Variants in SAMD4A observed in about 807,000 individuals in gnomAD.
The protein encoded by SAMD4A is sterile alpha motif domain containing 4A, also known as protein Smaug homolog 1.
In SAMD4A, 33 loss-of-function variants were observed where a neutral mutation model predicts 81.3. That is an observed-to-expected ratio of 0.41 (90% confidence interval 0.31 to 0.54). The LOEUF (loss-of-function observed/expected upper bound fraction) is 0.54, where lower values mean the gene tolerates loss of function less well. Ranked by LOEUF, SAMD4A falls within the 20% of genes least tolerant of loss-of-function variation. SAMD4A has a pLI of 0.37. For missense variants in SAMD4A, 854 were observed against 951.1 expected, an observed-to-expected ratio of 0.90 and a Z score of 1.34; for synonymous variants, 389 against 382.1, an observed-to-expected ratio of 1.02 and a Z score of -0.21.
chr14:54,668,002 C>T (rs1566574805), intron 2 of SAMD4A, among the ~76,000 whole-genome samples: 2 of 152,190 alleles, frequency 1.3e-5, no homozygotes, highest in African/African-American at 2.4e-5. Flanking sequence ...TCCACCCCGG[C>T]CCTCCCGCAG....
rs145929317 is a variant in SAMD4A at position 54,737,335 on chromosome 14, T to C, written c.979+48T>C. ...ACTGGGGAAAGAGCCCCTCCCTTTA[T>C]TGGAGACCAGAGGGTAAAAAAAGAG... On this transcript the variant is annotated intron_variant, in intron 4 of 12. Transcript: ENST00000554335. 1.2e-3 allele frequency: 1,926 copies of C among 1,603,818 alleles called. 15 individuals carry two copies. In the African/African-American group the frequency reaches 0.021, roughly 17 times the overall value.
At chr14:54,583,013 G>A (rs1340109955) in intron 2 of SAMD4A, among the ~76,000 whole-genome samples, 2 of 151,940 alleles carry the variant, frequency 1.3e-5, no homozygotes, top group Admixed American at 6.6e-5. Flanking sequence ...GCGCAATCTC[G>A]GCCCACTGCA....
At position 54,790,830 on chromosome 14, in the gene SAMD4A, T is replaced by C. The variant is rs1460206083; in HGVS notation, c.*1886T>C. On this transcript the variant is annotated 3_prime_UTR_variant, in exon 13 of 13. Coordinates refer to ENST00000554335, the MANE Select transcript of SAMD4A (RefSeq NM_015589.6). ...TGAAATCCGAACAATTTTCTTTTAC[T>C]TTCAAGATCAAAAACATGCACCCAA... 1 of 152,114 alleles carries C rather than the reference T, an allele frequency of 6.6e-6. No homozygotes were observed. The highest frequency in any genetic ancestry group is 1.5e-5 in the Non-Finnish European group (1 of 68,026). The allele number at this position is 152,114 out of a possible 1,614,324, so 9.4% of individuals were successfully genotyped here.
chr14:54,675,894 G>C (rs1477605534), intron 2 of SAMD4A, among the ~76,000 whole-genome samples: 1 of 152,192 alleles, frequency 6.6e-6, no homozygotes, highest in Admixed American at 6.5e-5. Flanking sequence ...GTGAGGTTTG[G>C]AAAACTCAGT....
intron 3 of SAMD4A, among the ~76,000 whole-genome samples, chr14:54,709,103 C>T (rs1278744444): frequency 1.3e-5 from 2 of 152,010 alleles, no homozygotes; most frequent in South Asian, 2.1e-4. Context: ...GTGGTGAAAC[C>T]ACATCTCTAT....
intron 8 of SAMD4A, among the ~76,000 whole-genome samples, chr14:54,769,794 A>G (rs866533448): frequency 3.3e-4 from 50 of 152,244 alleles, no homozygotes; most frequent in Admixed American, 1.7e-3. Context: ...TTCTTGGTTA[A>G]TAAATAGAGT....
intron 2 of SAMD4A, among the ~76,000 whole-genome samples, chr14:54,575,912 G>A (rs1386399907): frequency 6.6e-6 from 1 of 150,454 alleles, no homozygotes; most frequent in East Asian, 2.0e-4. Context: ...ATTTCCCCGA[G>A]CTTTTTGAAT....
chr14:54,771,736 C>G (rs1276755655), intron 9 of SAMD4A, among the ~76,000 whole-genome samples: 1 of 152,192 alleles, frequency 6.6e-6, no homozygotes, highest in African/African-American at 2.4e-5. Context: ...ACACCAGGCC[C>G]TTGGGAGACA....
rs1034273082 is a variant in SAMD4A at position 54,793,064 on chromosome 14, T to C, written c.*4120T>C. ...ATGCATATTTTTTAAATTTGTCATATATGGAAAGAGCATGTTTGTTACATG... is the reference window on the plus strand; with the variant it reads ...ATGCATATTTTTTAAATTTGTCATACATGGAAAGAGCATGTTTGTTACATG... On this transcript the variant is annotated 3_prime_UTR_variant, in exon 13 of 13. Transcript: ENST00000554335. 6.6e-6 allele frequency: 1 copy of C among 152,232 alleles called. No homozygotes were observed. The highest frequency in any genetic ancestry group is 2.4e-5 in the African/African-American group (1 of 41,464). 9.4% of individuals were successfully genotyped at this position (152,232 alleles called of 1,614,324 possible).
intron 3 of SAMD4A, among the ~76,000 whole-genome samples, chr14:54,713,937 C>T (rs891606528): frequency 1.3e-5 from 2 of 152,146 alleles, no homozygotes; most frequent in African/African-American, 4.8e-5. Flanking sequence ...AGCCTCCTTT[C>T]CTCATCTATA....
intron 2 of SAMD4A, among the ~76,000 whole-genome samples, chr14:54,675,143 A>G (rs1209303631): frequency 6.6e-6 from 1 of 152,092 alleles, no homozygotes; most frequent in African/African-American, 2.4e-5. Flanking sequence ...AGGCGGGTGG[A>G]TCACCTGAGG....
intron 2 of SAMD4A, among the ~76,000 whole-genome samples, chr14:54,685,097 G>T (rs769428465): frequency 2.6e-5 from 4 of 151,688 alleles, no homozygotes; most frequent in Non-Finnish European, 4.4e-5. Flanking sequence ...TTATCTTTTT[G>T]TATTTTTTTA....
intron 2 of SAMD4A, among the ~76,000 whole-genome samples, chr14:54,605,534 T>G (rs904533177): frequency 6.6e-6 from 1 of 152,152 alleles, no homozygotes; most frequent in Admixed American, 6.5e-5. Flanking sequence ...TTGTGTTATT[T>G]TAAAATGAGC....
chr14:54,606,968 C>G (rs1405197940), intron 2 of SAMD4A, among the ~76,000 whole-genome samples: 3 of 152,208 alleles, frequency 2.0e-5, no homozygotes, highest in Non-Finnish European at 4.4e-5. Context: ...CAGGGTGCAG[C>G]CTGCCAGTGG....
chr14:54,743,318 C>A (rs925538365), intron 4 of SAMD4A, among the ~76,000 whole-genome samples: 1 of 152,308 alleles, frequency 6.6e-6, no homozygotes, highest in Admixed American at 6.5e-5. Context: ...TTTTTAATTT[C>A]CAAATGCCAA....
At chr14:54,574,941 C>T (rs975954689) in intron 2 of SAMD4A, among the ~76,000 whole-genome samples, 10 of 152,068 alleles carry the variant, frequency 6.6e-5, no homozygotes, top group African/African-American at 2.2e-4. Context: ...GTTGATGCTG[C>T]GTATCTGCGG....
At position 54,702,518 on chromosome 14, in the gene SAMD4A, C is replaced by G; in HGVS notation, c.653C>G (p.Pro218Arg). The G allele has an allele frequency of 6.2e-7, 1 of 1,614,146 alleles. No homozygotes were observed. The highest frequency in any genetic ancestry group is 8.5e-7 in the Non-Finnish European group (1 of 1,179,984). The change falls in exon 3 of 13, where the codon CCC becomes CGC. Residue 218 changes from proline to arginine, a missense_variant. Coordinates refer to ENST00000554335, the MANE Select transcript of SAMD4A (RefSeq NM_015589.6). The stretch of plus-strand genomic sequence containing the variant: ...ATGGGGTGTGAGAATGGCCATGTGC[C>G]CCTCTACTCCTCCTCATCTGTCCCC... The part of the protein sequence containing the change: ...KSMGCENGHV[P>R]LYSSSSVPTT...
chr14:54,734,288 C>T (rs1330450054), intron 3 of SAMD4A, among the ~76,000 whole-genome samples: 14 of 152,224 alleles, frequency 9.2e-5, no homozygotes, highest in Admixed American at 8.5e-4. Flanking sequence ...TCTAAACCCA[C>T]GGCCCTGTCT....
intron 6 of SAMD4A, among the ~76,000 whole-genome samples, chr14:54,752,736 A>G (rs2038139586): frequency 6.6e-6 from 1 of 152,230 alleles, no homozygotes; most frequent in African/African-American, 2.4e-5. Context: ...GGCACTCAGC[A>G]TACGAAGGAC....
Sources: gnomAD v4.1 joint callset for allele counts (sites outside exome capture counted in the v4.1 genomes callset) on GRCh38, gnomAD v4.1.1 for gene constraint, MANE v1.5 for transcripts, NCBI Gene and HGNC (gene_info 2026-07-23, HGNC 2026-07-21) for gene names.